Variants in WDR91 observed in about 807,000 individuals in gnomAD.
The protein encoded by WDR91 is WD repeat domain 91, also known as WD repeat-containing protein 91.
In WDR91, 52 loss-of-function variants were observed where a neutral mutation model predicts 88.4. The ratio of observed to expected loss-of-function variants is 0.59; its 90% CI spans 0.47 to 0.74. The LOEUF (loss-of-function observed/expected upper bound fraction) is 0.74. WDR91 is among the 30% of genes least tolerant of loss of function. The probability of loss-of-function intolerance (pLI) is 0.00; values close to 1 mark genes in which losing one functional copy is unlikely to be tolerated. For missense variants in WDR91, 824 were observed against 954.5 expected (o/e 0.86, Z 1.80); for synonymous variants, 362 against 389.5 (o/e 0.93, Z 0.83).
intron 11 of WDR91, among the ~76,000 whole-genome samples, chr7:135,190,670 C>A (rs1447931818): frequency 2.9e-5 from 4 of 136,312 alleles, no homozygotes; most frequent in Non-Finnish European, 6.7e-5. Flanking sequence ...CACGACAAAG[C>A]AGGTTTTAAA....
In WDR91 at chr7:135,208,953, T is replaced by C. The variant is rs1562959262; in HGVS notation, c.349A>G (p.Thr117Ala). Residue 117 changes from threonine to alanine, a missense_variant, in exon 3 of 15, where the codon ACG becomes GCG. Coordinates refer to ENST00000354475, the MANE Select transcript of WDR91 (RefSeq NM_014149.4). ...KAQEFFAKQA[T>A]ELQNQAEWKD... ...CACTCAGCCTGGTTCTGGAGTTCCG[T>C]GGCCTGCTTTGCAAAGAACTCCTGA... 6.2e-7 allele frequency: 1 copy of C among 1,614,064 alleles called. No homozygotes were observed. Among genetic ancestry groups the C allele is most frequent in the Non-Finnish European group, 8.5e-7 (1 of 1,180,040 alleles).
intron 2 of WDR91, 33 bp from the exon 3 acceptor site, chr7:135,209,031 G>A (rs1422605850): frequency 1.3e-6 from 2 of 1,594,326 alleles, no homozygotes; most frequent in South Asian, 2.2e-5. Flanking sequence ...CAAGGAGGGA[G>A]GAGAGACAGA....
rs752792690 is a variant in WDR91 at position 135,188,562 on chromosome 7, C to T, written c.1769-17G>A. On this transcript the variant is annotated splice_polypyrimidine_tract_variant and intron_variant, in intron 12 of 14. Transcript: ENST00000354475. Reference sequence around the variant, plus strand: ...GCTGCATGTCTGAGGCAATGAGACACGGCCACTCACATCCTGGCCAGGGCT... The same window carrying T: ...GCTGCATGTCTGAGGCAATGAGACATGGCCACTCACATCCTGGCCAGGGCT... The T allele has an allele frequency of 6.3e-6, 10 of 1,599,622 alleles. No homozygotes were observed. Among genetic ancestry groups the T allele is most frequent in the South Asian group, 4.4e-5 (4 of 90,848 alleles).
chr7:135,193,455 C>A, intron 10 of WDR91, 56 bp from the exon 11 acceptor site: 1 of 1,610,248 alleles, frequency 6.2e-7, no homozygotes, highest in African/African-American at 1.3e-5. Context: ...AGGGAGGGTG[C>A]ACTTTGGTCC....
In WDR91 at chr7:135,196,489, G is replaced by A. The variant is rs1831379751; in HGVS notation, c.1051-152C>T. ...GAGAGCTCTGACCTGCGAGGGTAGT[G>A]CTCAGCTCACCCTGGGAGAGTGCAG... is the stretch of plus-strand genomic sequence containing the variant. On this transcript the variant is annotated intron_variant, in intron 7 of 14. Transcript: ENST00000354475. This position sits in a 1 kb window ranked among gnomAD's most constrained non-coding sequence, Gnocchi z 4.2. 1 of 723,906 alleles carries A rather than the reference G, an allele frequency of 1.4e-6. No individual in the cohort carries two copies. Among genetic ancestry groups the A allele is most frequent in the Non-Finnish European group, 2.1e-6 (1 of 486,246 alleles). 44.8% of individuals were successfully genotyped at this position (723,906 alleles called of 1,614,324 possible).
At chr7:135,203,804 T>C (rs1376088494) in intron 6 of WDR91, among the ~76,000 whole-genome samples, 1 of 152,194 alleles carries the variant, frequency 6.6e-6, no homozygotes, top group African/African-American at 2.4e-5. Flanking sequence ...TATCTACTAC[T>C]TCAACCAGAA....
chr7:135,186,376 C>T, intron 14 of WDR91, 61 bp from the exon 15 acceptor site: 1 of 1,551,828 alleles, frequency 6.4e-7, no homozygotes, highest in African/African-American at 1.4e-5. Flanking sequence ...ACACTTGATC[C>T]ACTTTCAGTG....
chr7:135,192,171 A>G (rs28703015), intron 11 of WDR91, among the ~76,000 whole-genome samples: 40,147 of 146,502 alleles, frequency 0.27, 5,709 homozygotes, highest in East Asian at 0.4. Context: ...AGGCTGGAAT[A>G]CAGTGGCACC....
intron 6 of WDR91, chr7:135,198,714 C>T (rs1043395970): frequency 6.6e-6 from 1 of 152,120 alleles, no homozygotes; most frequent in African/African-American, 2.4e-5. Context: ...TTGTTGAAAA[C>T]CCAAGGAATG....
Position 135,186,136 on chromosome 7 carries a change from C to T in WDR91, c.*15G>A. The T allele has an allele frequency of 6.3e-7, 1 of 1,579,036 alleles. No individual in the cohort carries two copies. The highest frequency in any genetic ancestry group is 8.6e-7 in the Non-Finnish European group (1 of 1,166,752). On this transcript the variant is annotated 3_prime_UTR_variant, in exon 15 of 15. Transcript: ENST00000354475. ...AGATAATACTGCTTCCTCGGGTGGCCCTTGGGGCAAGTCATCAGGCTTTAT... is the reference window on the plus strand; with the variant it reads ...AGATAATACTGCTTCCTCGGGTGGCTCTTGGGGCAAGTCATCAGGCTTTAT...
chr7:135,206,204 G>C (rs956757607), intron 4 of WDR91, 146 bp from the exon 5 acceptor site: 1 of 1,024,020 alleles, frequency 9.8e-7, no homozygotes. Flanking sequence ...TCTGCTCACT[G>C]CAGACTGGGA....
intron 4 of WDR91, among the ~76,000 whole-genome samples, chr7:135,206,653 G>T (rs1201104482): frequency 6.6e-6 from 1 of 152,032 alleles, no homozygotes; most frequent in African/African-American, 2.4e-5. Context: ...TCAAACTAGA[G>T]AAGCATATAG....
At chr7:135,190,401 C>T (rs1831120597) in intron 11 of WDR91, among the ~76,000 whole-genome samples, 1 of 151,972 alleles carries the variant, frequency 6.6e-6, no homozygotes, top group African/African-American at 2.4e-5. Context: ...AAAATTAATG[C>T]AAATCCAAAG....
At chr7:135,198,175 G>T in intron 6 of WDR91, 24 bp from the exon 7 acceptor site, 1 of 1,603,316 alleles carries the variant, frequency 6.2e-7, no homozygotes. Flanking sequence ...AGCTGGCTGT[G>T]AAGTCTCTTC....
Position 135,204,344 on chromosome 7 carries a change from C to G in WDR91, c.815G>C (p.Ser272Thr). 6.2e-7 allele frequency: 1 copy of G among 1,614,176 alleles called. No individual in the cohort carries two copies. Residue 272 changes from serine to threonine, a missense_variant, in exon 6 of 15, where the codon AGC becomes ACC. Transcript: ENST00000354475. ...LSSLLPQSKK[S>T]PSRLSPAQGP... The stretch of plus-strand genomic sequence containing the variant: ...CTGAGCAGGCGACAACCTTGAGGGG[C>G]TCTTCTTACTCTGAGGCAGCAGCGA...
chr7:135,193,900 G>A lies in WDR91; in HGVS notation c.1396-228C>T, dbSNP rs1585413091. On this transcript the variant is annotated intron_variant, in intron 9 of 14. Transcript: ENST00000354475. ...AGCAAAACCACAAAAAGTATCTGTG[G>A]AATGGGAGAGACGCGTCACCTTGGA... The A allele has an allele frequency of 1.9e-5, 10 of 532,308 alleles. No homozygotes were observed. The East Asian group carries it at 2.9e-4, about 15-fold the overall frequency. The allele number at this position is 532,308 out of a possible 1,614,324, so 33.0% of individuals were successfully genotyped here.
chr7:135,194,046 C>T (rs1472816505), intron 9 of WDR91, among the ~76,000 whole-genome samples: 1 of 152,102 alleles, frequency 6.6e-6, no homozygotes, highest in East Asian at 1.9e-4. Flanking sequence ...CCCCTCCCAG[C>T]GTACTCGCTT....
chr7:135,200,895 A>C (rs1189299047), intron 6 of WDR91, among the ~76,000 whole-genome samples: 2 of 152,178 alleles, frequency 1.3e-5, no homozygotes, highest in African/African-American at 4.8e-5. Flanking sequence ...TGGAGCAGCA[A>C]ACAACTTCCA....
At chr7:135,209,067 T>G in intron 2 of WDR91, 69 bp from the exon 3 acceptor site, 2 of 1,391,168 alleles carry the variant, frequency 1.4e-6, no homozygotes. Flanking sequence ...CTCTTCATCA[T>G]TGCACAGCAG....
Sources: gnomAD v4.1 joint callset for allele counts (sites outside exome capture counted in the v4.1 genomes callset) on GRCh38, gnomAD v4.1.1 for gene constraint, Gnocchi (gnomAD v3.1) non-coding constraint, MANE v1.5 for transcripts, NCBI Gene and HGNC (gene_info 2026-07-23, HGNC 2026-07-21) for gene names.